Variants in COL23A1 observed in about 807,000 individuals in gnomAD.
The protein encoded by COL23A1 is collagen type XXIII alpha 1 chain.
Under a neutral mutation model 99.3 loss-of-function variants are expected in COL23A1, and 97 were observed. That is an observed-to-expected ratio of 0.98 (90% CI 0.83 to 1.16). The LOEUF is 1.16. Among genes scored for constraint, COL23A1 ranks in the 50% most tolerant of loss-of-function variants. COL23A1 has a pLI of 0.00. For missense variants in COL23A1, 762 were observed against 757.4 expected (o/e 1.01, Z -0.07); for synonymous variants, 320 against 308.2 (o/e 1.04, Z -0.40).
At chr5:178,296,992 C>T (rs542743679) in intron 3 of COL23A1, among the ~76,000 whole-genome samples, 4 of 152,352 alleles carry the variant, frequency 2.6e-5, no homozygotes, top group South Asian at 4.1e-4. Flanking sequence ...GGGCTTCCCA[C>T]GGCACACGGA....
chr5:178,515,223 C>A (rs1759437804), intron 2 of COL23A1, among the ~76,000 whole-genome samples: 1 of 152,236 alleles, frequency 6.6e-6, no homozygotes. Flanking sequence ...CTGCCCAGGG[C>A]CTCCTCTGCT....
intron 5 of COL23A1, among the ~76,000 whole-genome samples, chr5:178,271,392 T>G (rs556492432): frequency 2.0e-5 from 3 of 152,276 alleles, no homozygotes; most frequent in South Asian, 4.1e-4. Flanking sequence ...GGCACATCCT[T>G]CCCTTCTTTG....
intron 2 of COL23A1, among the ~76,000 whole-genome samples, chr5:178,373,197 T>C (rs1561914292): frequency 3.9e-5 from 6 of 152,194 alleles, no homozygotes. Flanking sequence ...GCTGGCCTTG[T>C]GCCCTTGGAC....
At chr5:178,520,958 A>T (rs529276357) in intron 2 of COL23A1, among the ~76,000 whole-genome samples, 18 of 152,174 alleles carry the variant, frequency 1.2e-4, no homozygotes, top group Non-Finnish European at 2.4e-4. Flanking sequence ...TCCTTAGGTG[A>T]TTTTGTCATT....
At chr5:178,489,082 G>C (rs1757791161) in intron 2 of COL23A1, among the ~76,000 whole-genome samples, 1 of 152,206 alleles carries the variant, frequency 6.6e-6, no homozygotes, top group Admixed American at 6.5e-5. Flanking sequence ...TCCCTAGATG[G>C]CTGGTGTGTC....
At position 178,559,318 on chromosome 5, in the gene COL23A1, C is replaced by G. The variant is rs573416621; in HGVS notation, c.361+1364G>C. On this transcript the variant is annotated intron_variant, in intron 2 of 28. Transcript: ENST00000390654. ...TTTCAGTGAGTTTGGTTTCCGGACA[C>G]TTGGCTAATGGAAGGAATGAGAGAG... 6.6e-5 allele frequency among the ~76,000 whole-genome samples: 10 copies of G among 152,354 alleles called. No homozygotes were observed. The East Asian group carries it at 1.9e-3, about 29-fold the overall frequency.
chr5:178,461,477 C>G (rs1233630679), intron 2 of COL23A1, among the ~76,000 whole-genome samples: 1 of 152,224 alleles, frequency 6.6e-6, no homozygotes, highest in East Asian at 1.9e-4. Context: ...CAAGGAGGGC[C>G]TATTCGGCAT....
intron 2 of COL23A1, among the ~76,000 whole-genome samples, chr5:178,436,098 C>T (rs1008211023): frequency 6.6e-6 from 1 of 152,148 alleles, no homozygotes. Flanking sequence ...ACGAAGGATG[C>T]GCCTGGCCTC....
intron 2 of COL23A1, among the ~76,000 whole-genome samples, chr5:178,349,078 G>A (rs1761153638): frequency 6.6e-6 from 1 of 152,238 alleles, no homozygotes; most frequent in South Asian, 2.1e-4. Flanking sequence ...ATTCTCGGTA[G>A]AGCCGACGAG....
At chr5:178,393,622 T>A (rs1195885645) in intron 2 of COL23A1, among the ~76,000 whole-genome samples, 3 of 151,652 alleles carry the variant, frequency 2.0e-5, no homozygotes, top group Non-Finnish European at 2.9e-5. Context: ...TTGATAAAAA[T>A]CATCAATCAA....
chr5:178,337,793 G>C lies in COL23A1; in HGVS notation c.362-30874C>G, dbSNP rs1760430339. 2.6e-5 allele frequency among the ~76,000 whole-genome samples: 4 copies of C among 152,098 alleles called. No individual in the cohort carries two copies. In the South Asian group the frequency reaches 8.3e-4, roughly 32 times the overall value. ...TGTCCACCATTAGCGTCTGGTGATG[G>C]AAACAAACAGGCTCATGGGGTCATG... On this transcript the variant is annotated intron_variant, in intron 2 of 28. Coordinates refer to ENST00000390654, the MANE Select transcript of COL23A1 (RefSeq NM_173465.4).
chr5:178,242,730 G>A (rs1029245923), intron 25 of COL23A1, among the ~76,000 whole-genome samples: 1 of 152,192 alleles, frequency 6.6e-6, no homozygotes, highest in Non-Finnish European at 1.5e-5. Context: ...CGGAAACCAT[G>A]GAAGTTATGT....
intron 5 of COL23A1, among the ~76,000 whole-genome samples, chr5:178,279,778 C>T (rs909758572): frequency 2.0e-5 from 3 of 152,206 alleles, no homozygotes; most frequent in African/African-American, 7.2e-5. Flanking sequence ...TGAAACTCCC[C>T]ACTTATCAGC....
intron 2 of COL23A1, among the ~76,000 whole-genome samples, chr5:178,409,855 C>G (rs78958852): frequency 0.09 from 13,661 of 151,810 alleles, 1,024 homozygotes; most frequent in African/African-American, 0.2. Context: ...GTCATTTTAC[C>G]AAAATACATT....
In COL23A1 at chr5:178,261,722, CTTGGGCCCTGGGGGTCCCT is replaced by C; in HGVS notation, c.683_701del (p.Lys228ArgfsTer75). On this transcript the variant is annotated frameshift_variant and splice_region_variant, in exon 11 of 29. Coordinates refer to ENST00000390654, the MANE Select transcript of COL23A1 (RefSeq NM_173465.4). LOFTEE classifies it high-confidence loss of function. ...GGCATGGGGAATAAGGAGTACTCACCTTGGGCCCTGGGGGTCCCTTTGGGCCCTGGAACAAGAGAAGAGA... is the reference window on the plus strand; with the variant it reads ...GGCATGGGGAATAAGGAGTACTCACCTTGGGCCCTGGAACAAGAGAAGAGA... 14 of 1,609,446 alleles carry C rather than the reference CTTGGGCCCTGGGGGTCCCT, an allele frequency of 8.7e-6. No homozygotes were observed. The highest frequency in any genetic ancestry group is 1.3e-5 in the African/African-American group (1 of 74,852).
intron 16 of COL23A1, among the ~76,000 whole-genome samples, chr5:178,252,958 G>C (rs908970045): frequency 1.3e-5 from 2 of 152,142 alleles, no homozygotes; most frequent in African/African-American, 4.8e-5. Context: ...GGCATTCAAG[G>C]CCTGCCAAGA....
chr5:178,545,378 C>T (rs1343790831), intron 2 of COL23A1, among the ~76,000 whole-genome samples: 1 of 152,178 alleles, frequency 6.6e-6, no homozygotes, highest in East Asian at 1.9e-4. Context: ...ACTTCAAGCC[C>T]ATTAGTGTCA....
At chr5:178,570,475 T>G (rs1048462177) in intron 1 of COL23A1, among the ~76,000 whole-genome samples, 3 of 152,220 alleles carry the variant, frequency 2.0e-5, no homozygotes, top group Non-Finnish European at 4.4e-5. Context: ...ACATATGTTT[T>G]TCTACATTAG....
chr5:178,514,652 A>G (rs1188893978), intron 2 of COL23A1, among the ~76,000 whole-genome samples: 2 of 152,252 alleles, frequency 1.3e-5, no homozygotes, highest in Non-Finnish European at 2.9e-5. Flanking sequence ...GGAAGCTGAC[A>G]CAGCAGCCTG....
Sources: allele counts gnomAD v4.1 joint callset (sites outside exome capture counted in the v4.1 genomes callset), GRCh38; gene constraint gnomAD v4.1.1; transcripts MANE v1.5; gene names NCBI Gene and HGNC (gene_info 2026-07-23, HGNC 2026-07-21).